The following CTBP1 variants were observed in gnomAD, a reference collection of about 807,000 sequenced individuals.
CTBP1 encodes the protein C-terminal-binding protein 1.
Under a neutral mutation model 42.1 loss-of-function variants are expected in CTBP1, and 11 were observed. That is an observed-to-expected ratio of 0.26 (90% CI 0.16 to 0.43). The LOEUF (loss-of-function observed/expected upper bound fraction) is 0.43. Among genes scored for constraint, CTBP1 ranks in the 20% least tolerant of loss-of-function variants. CTBP1 has a pLI of 1.00. For synonymous variants in CTBP1, 324 were observed against 277.1 expected (o/e 1.17, Z -1.68); for missense variants, 399 against 624.3 (o/e 0.64, Z 3.85).
chr4:1,223,390 T>C (rs762536708), intron 5 of CTBP1: 17 of 453,974 alleles, frequency 3.7e-5, no homozygotes, highest in African/African-American at 4.0e-5. Flanking sequence ...ACGTGTTCCA[T>C]GCACATCCGT....
chr4:1,216,266 G>T, intron 5 of CTBP1, 61 bp from the exon 6 acceptor site: 4 of 1,507,444 alleles, frequency 2.7e-6, no homozygotes, highest in Non-Finnish European at 3.6e-6. Flanking sequence ...GGCCGGCCCC[G>T]AAAGCCAGGG....
chr4:1,245,829 C>G (rs1184984686), intron 1 of CTBP1, among the ~76,000 whole-genome samples: 2 of 151,882 alleles, frequency 1.3e-5, no homozygotes, highest in African/African-American at 4.9e-5. Flanking sequence ...CAGAAGGGGC[C>G]TGGTCCCAAC....
At position 1,222,062 on chromosome 4, in the gene CTBP1, C is replaced by T. The variant is rs539093973; in HGVS notation, c.514+3298G>A. Among the ~76,000 whole-genome samples, 5 of 152,338 alleles carry T rather than the reference C, an allele frequency of 3.3e-5. No individual in the cohort carries two copies. In the South Asian group the frequency reaches 8.3e-4, roughly 25 times the overall value. The stretch of plus-strand genomic sequence containing the variant: ...ACGCGGATTCCACGCTAAGAACAAC[C>T]CAGACAGTGTGTGCACAGCAGAGGG... On this transcript the variant is annotated intron_variant, in intron 5 of 9. Coordinates refer to ENST00000382952, the MANE Select transcript of CTBP1 (RefSeq NM_001012614.2).
chr4:1,227,309 CGTGTGCTG>C (rs1730460721), intron 4 of CTBP1, among the ~76,000 whole-genome samples: 2 of 151,408 alleles, frequency 1.3e-5, no homozygotes, highest in African/African-American at 4.9e-5. Flanking sequence ...GTGCGTGATC[CGTGTGCTG>C]AGTGCATGTG....
intron 3 of CTBP1, chr4:1,236,290 C>G (rs1731485186): frequency 3.2e-6 from 1 of 317,440 alleles, no homozygotes; most frequent in South Asian, 5.0e-5. Flanking sequence ...CAACCTAGTT[C>G]TCATCACGGA....
intron 7 of CTBP1, chr4:1,213,865 G>T (rs560666485): frequency 4.9e-5 from 24 of 494,160 alleles, no homozygotes; most frequent in African/African-American, 4.3e-4. Flanking sequence ...AGCCCTGATG[G>T]GGGGACATGC....
intron 5 of CTBP1, 25 bp from the exon 6 acceptor site, chr4:1,216,230 A>G: frequency 6.3e-7 from 1 of 1,597,664 alleles, no homozygotes; most frequent in Non-Finnish European, 8.5e-7. Flanking sequence ...ACACAGTGTG[A>G]GACCCTTGCT....
intron 2 of CTBP1, among the ~76,000 whole-genome samples, chr4:1,239,518 C>G (rs997121666): frequency 1.3e-5 from 2 of 152,356 alleles, no homozygotes; most frequent in Admixed American, 6.5e-5. Flanking sequence ...TCCGCTGCCC[C>G]ATCCGCCTGC....
chr4:1,245,891 C>T (rs1402591266), intron 1 of CTBP1, among the ~76,000 whole-genome samples: 1 of 152,174 alleles, frequency 6.6e-6, no homozygotes, highest in Non-Finnish European at 1.5e-5. Flanking sequence ...CCAACCAAAC[C>T]AACTGGGCTT....
intron 1 of CTBP1, chr4:1,248,710 C>G (rs1577090714): frequency 1.0e-6 from 1 of 982,020 alleles, no homozygotes; most frequent in South Asian, 4.7e-5. Context: ...CGCGCACACG[C>G]AGCGGCCCGC....
intron 9 of CTBP1, 68 bp from the exon 10 acceptor site, chr4:1,212,491 T>C (rs1265354959): frequency 3.0e-6 from 4 of 1,320,356 alleles, no homozygotes; most frequent in Non-Finnish European, 3.9e-6. Context: ...CCTGCCCTCC[T>C]AGCATCGGCA....
At chr4:1,232,830 G>C (rs1401685140) in intron 3 of CTBP1, 1 of 152,200 alleles carries the variant, frequency 6.6e-6, no homozygotes, top group Non-Finnish European at 1.5e-5. Flanking sequence ...TGCAGTTCCT[G>C]AACGGCCACC....
chr4:1,228,783 G>A (rs1730658402), intron 3 of CTBP1, among the ~76,000 whole-genome samples: 1 of 152,116 alleles, frequency 6.6e-6, no homozygotes, highest in Non-Finnish European at 1.5e-5. Flanking sequence ...GGTGGCCAGG[G>A]AACCTGAGAC....
intron 5 of CTBP1, 56 bp downstream of exon 5, chr4:1,225,304 G>C: frequency 6.7e-7 from 1 of 1,499,768 alleles, no homozygotes; most frequent in South Asian, 1.3e-5. Flanking sequence ...CACAGCTGAA[G>C]AGCGGCAGCG....
chr4:1,229,565 G>A (rs550977478), intron 3 of CTBP1, among the ~76,000 whole-genome samples: 1 of 152,190 alleles, frequency 6.6e-6, no homozygotes, highest in Non-Finnish European at 1.5e-5. Flanking sequence ...CCTAGGTGGC[G>A]TCTTTCCCTC....
chr4:1,239,166 C>T lies in CTBP1; in HGVS notation c.8-829G>A, dbSNP rs537203241. On this transcript the variant is annotated intron_variant, in intron 2 of 9. Transcript: ENST00000382952. ...TAACACCCATTCCTTTCGCGTATGACGCAACTAAGCCTCATCGGGGCCAAC... is the reference window on the plus strand; with the variant it reads ...TAACACCCATTCCTTTCGCGTATGATGCAACTAAGCCTCATCGGGGCCAAC... Among the ~76,000 whole-genome samples the T allele has an allele frequency of 2.5e-4, 38 of 152,356 alleles. 1 individual carries two copies. In the South Asian group the frequency reaches 7.0e-3, roughly 28 times the overall value.
intron 4 of CTBP1, 54 bp from the exon 5 acceptor site, chr4:1,225,620 G>C: frequency 6.7e-7 from 1 of 1,493,786 alleles, no homozygotes; most frequent in Non-Finnish European, 9.0e-7. Context: ...GCCTCCGGGA[G>C]GACACCGGGG....
rs1043479685 is a variant in CTBP1 at position 1,220,010 on chromosome 4, T to C, written c.515-3805A>G. On this transcript the variant is annotated intron_variant, in intron 5 of 9. Transcript: ENST00000382952. ...TCACTTGAAGTCAGGAGTTCGAGCC[T>C]GGCCAACATGGCAAAAACTTGTCTC... 6.6e-5 allele frequency among the ~76,000 whole-genome samples: 10 copies of C among 152,364 alleles called. 1 individual carries two copies. The Middle Eastern group carries it at 0.01, about 155-fold the overall frequency.
chr4:1,247,100 G>A (rs2048852735), intron 1 of CTBP1, among the ~76,000 whole-genome samples: 1 of 152,208 alleles, frequency 6.6e-6, no homozygotes, highest in South Asian at 2.1e-4. Context: ...CCACTGCCAC[G>A]TTCTCAGGTT....
Sources: gnomAD v4.1 joint callset for allele counts (sites outside exome capture counted in the v4.1 genomes callset) on GRCh38, gnomAD v4.1.1 for gene constraint, MANE v1.5 for transcripts, NCBI Gene and HGNC (gene_info 2026-07-23, HGNC 2026-07-21) for gene names.